The following USP38 variants were observed in gnomAD, a reference collection of about 807,000 sequenced individuals.
USP38 encodes ubiquitin carboxyl-terminal hydrolase 38.
In USP38, 49 loss-of-function variants were observed where a neutral mutation model predicts 94.3. The ratio of observed to expected loss-of-function variants is 0.52; its 90% CI spans 0.41 to 0.66. USP38 has a LOEUF of 0.66. Among genes scored for constraint, USP38 ranks in the 30% least tolerant of loss-of-function variants. The pLI is 0.00. For synonymous variants in USP38, 468 were observed against 463.6 expected (o/e 1.01, Z -0.12); for missense variants, 1,128 against 1,229.4 (o/e 0.92, Z 1.23).
At position 143,185,804 on chromosome 4, in the gene USP38, G is replaced by T. The variant is rs200753261; in HGVS notation, c.354G>T (p.Pro118=). 2.5e-6 allele frequency: 4 copies of T among 1,614,206 alleles called. No homozygotes were observed. Among genetic ancestry groups the T allele is most frequent in the Non-Finnish European group, 3.4e-6 (4 of 1,180,042 alleles). The change falls in exon 1 of 10, where the codon CCG becomes CCT. Residue 118 remains proline (P), a synonymous_variant. Transcript: ENST00000307017. ...HNGLKLIMSC[P]SVLDLFSLLQ... is the part of the protein sequence containing the mutation. ...GCCTGAAGCTGATTATGAGCTGTCCGTCGGTGCTGGATCTCTTTAGCCTCC... is the reference window on the plus strand; with the variant it reads ...GCCTGAAGCTGATTATGAGCTGTCCTTCGGTGCTGGATCTCTTTAGCCTCC...
At chr4:143,195,684 A>G (rs1490810254) in intron 2 of USP38, 32 bp from the exon 3 acceptor site, 3 of 1,563,818 alleles carry the variant, frequency 1.9e-6, no homozygotes, top group African/African-American at 1.4e-5. Flanking sequence ...AATATTTTCA[A>G]TAATGATTGT....
rs1731864488 is a variant in USP38 at position 143,206,221 on chromosome 4, C to T, written c.1398C>T (p.Ala466=). 3.2e-6 allele frequency: 5 copies of T among 1,583,484 alleles called. No individual in the cohort carries two copies. Among genetic ancestry groups the T allele is most frequent in the Non-Finnish European group, 4.3e-6 (5 of 1,167,458 alleles). Residue 466 remains alanine, a synonymous_variant, in exon 6 of 10, where the codon GCC becomes GCT. Coordinates refer to ENST00000307017, the MANE Select transcript of USP38 (RefSeq NM_032557.6). The part of the protein sequence containing the change: ...MNSVIQALFM[A]TDFRRQVLSL... Reference sequence around the variant, plus strand: ...GTGTTATACAAGCCTTGTTTATGGCCACAGAGTAAGTTTAAACTTGAATCT... The same window carrying T: ...GTGTTATACAAGCCTTGTTTATGGCTACAGAGTAAGTTTAAACTTGAATCT...
rs1732376266 is a variant in USP38 at position 143,223,579 on chromosome 4, G to T, written c.*3123G>T. ...TAAAGCTATCATCTTATAATAAGTG[G>T]AATTGGATGCTTATTGTGTGCCCAG... On this transcript the variant is annotated 3_prime_UTR_variant, in exon 10 of 10. Transcript: ENST00000307017. 6.6e-6 allele frequency: 1 copy of T among 151,912 alleles called. No individual in the cohort carries two copies. Among genetic ancestry groups the T allele is most frequent in the Non-Finnish European group, 1.5e-5 (1 of 67,926 alleles). The allele number at this position is 151,912 out of a possible 1,614,324, so 9.4% of individuals were successfully genotyped here.
In USP38 at chr4:143,185,459, G is replaced by C. The variant is rs551990221; in HGVS notation, c.9G>C (p.Lys3Asn). 6.3e-7 allele frequency: 1 copy of C among 1,586,608 alleles called. No individual in the cohort carries two copies. The highest frequency in any genetic ancestry group is 1.7e-5 in the Admixed American group (1 of 58,242). MD[K>N]ILEGLVSSSH... ...CTTGCAGCGTGGCGACAATGGACAA[G>C]ATCCTGGAGGGCCTTGTGAGTTCCT... The change falls in exon 1 of 10, where the codon AAG (lysine) becomes AAC (asparagine). Residue 3 changes from lysine (K) to asparagine (N), a missense_variant. Physicochemically the swap from Lys to Asn is moderately conservative, Grantham distance 94. Transcript: ENST00000307017.
chr4:143,196,089 T>G (rs1372323642), intron 3 of USP38, among the ~76,000 whole-genome samples: 3 of 152,132 alleles, frequency 2.0e-5, no homozygotes, highest in African/African-American at 4.8e-5. Flanking sequence ...GCAGATCACT[T>G]GAGGCCAGGA....
In USP38 at chr4:143,188,112, T is replaced by A. The variant is rs1049377566; in HGVS notation, c.818+151T>A. ...ATTCTCCAAATAGATTGGAATTGTT[T>A]ATAGCGTTGACAGGCATCCCAATAA... On this transcript the variant is annotated intron_variant, in intron 2 of 9. Transcript: ENST00000307017. 4.7e-6 allele frequency: 5 copies of A among 1,072,486 alleles called. No individual in the cohort carries two copies. The East Asian group carries it at 1.3e-4, about 28-fold the overall frequency. 66.4% of individuals were successfully genotyped at this position (1,072,486 alleles called of 1,614,324 possible).
intron 6 of USP38, among the ~76,000 whole-genome samples, chr4:143,207,288 C>G (rs113571235): frequency 1.3e-3 from 197 of 152,302 alleles, no homozygotes; most frequent in African/African-American, 4.3e-3. Flanking sequence ...GCCTGTAATC[C>G]CAGCACTTTG....
chr4:143,201,082 C>CA (rs1167443956), intron 4 of USP38, among the ~76,000 whole-genome samples: 3 of 152,110 alleles, frequency 2.0e-5, no homozygotes, highest in African/African-American at 7.2e-5. Flanking sequence ...CAATCCTAAG[C>CA]AAAAAGAACA....
intron 9 of USP38, among the ~76,000 whole-genome samples, chr4:143,217,640 T>G (rs1732219241): frequency 6.6e-6 from 1 of 152,166 alleles, no homozygotes; most frequent in Non-Finnish European, 1.5e-5. Flanking sequence ...TGTGATAATT[T>G]TAAGAAGCTT....
intron 5 of USP38, chr4:143,204,620 C>A: frequency 3.2e-6 from 1 of 313,126 alleles, no homozygotes; most frequent in Non-Finnish European, 6.2e-6. Flanking sequence ...AATTCCTAGG[C>A]TCAAGTGATC....
At chr4:143,189,678 A>G (rs1346083553) in intron 2 of USP38, among the ~76,000 whole-genome samples, 3 of 151,958 alleles carry the variant, frequency 2.0e-5, no homozygotes, top group Non-Finnish European at 4.4e-5. Flanking sequence ...CCAGTTTCAT[A>G]CTATTCATTC....
At position 143,206,072 on chromosome 4, in the gene USP38, C is replaced by T; in HGVS notation, c.1249C>T (p.Leu417Phe). The part of the protein sequence containing the change: ...KPSEEKIKLI[L>F]NQSAWTSQSN... ...CAGTGAAGAGAAGATTAAGTTAATT[C>T]TCAATCAAAGTGCCTGGACTTCTCA... The change falls in exon 6 of 10, where the codon CTC (leucine) becomes TTC (phenylalanine). Residue 417 changes from leucine (L) to phenylalanine (F), a missense_variant. Physicochemically the swap from Leu to Phe is conservative, Grantham distance 22 (BLOSUM62 0). Coordinates refer to ENST00000307017, the MANE Select transcript of USP38 (RefSeq NM_032557.6). The T allele has an allele frequency of 1.9e-6, 3 of 1,611,512 alleles. No individual in the cohort carries two copies. The highest frequency in any genetic ancestry group is 1.1e-5 in the South Asian group (1 of 90,414).
At chr4:143,187,734 T>G in intron 1 of USP38, 92 bp from the exon 2 acceptor site, 1 of 1,382,328 alleles carries the variant, frequency 7.2e-7, no homozygotes, top group Non-Finnish European at 9.6e-7. Flanking sequence ...ACACCTTTGC[T>G]GCAATGACTT....
At chr4:143,209,937 A>G (rs1731978443) in intron 7 of USP38, among the ~76,000 whole-genome samples, 1 of 152,176 alleles carries the variant, frequency 6.6e-6, no homozygotes, top group Admixed American at 6.5e-5. Context: ...TACAAAGAAA[A>G]TATGATTTCC....
chr4:143,197,762 C>T (rs1287112126), intron 3 of USP38, 61 bp from the exon 4 acceptor site: 1 of 1,141,386 alleles, frequency 8.8e-7, no homozygotes, highest in Non-Finnish European at 1.3e-6. Context: ...GGAAAATAAC[C>T]ACTGTTGGAT....
Position 143,185,878 on chromosome 4 carries a change from T to C in USP38, c.428T>C (p.Leu143Pro). 1 of 1,614,174 alleles carries C rather than the reference T, an allele frequency of 6.2e-7. No individual in the cohort carries two copies. Among genetic ancestry groups the C allele is most frequent in the Non-Finnish European group, 8.5e-7 (1 of 1,180,036 alleles). ...RMVCERPEPQ[L>P]CARLSDLLTD... ...GTGTGTGAGAGGCCGGAGCCGCAGC[T>C]CTGTGCCCGACTGAGCGACCTTCTG... Residue 143 changes from leucine to proline, a missense_variant, in exon 1 of 10, where the codon CTC (leucine) becomes CCC (proline). Leu to Pro is a moderately conservative substitution (Grantham distance 98). Transcript: ENST00000307017.
intron 8 of USP38, among the ~76,000 whole-genome samples, chr4:143,213,322 A>G (rs1305083176): frequency 2.0e-5 from 3 of 152,188 alleles, no homozygotes; most frequent in African/African-American, 7.2e-5. Flanking sequence ...AGGGACGTTT[A>G]TAATTAACTG....
At position 143,185,505 on chromosome 4, in the gene USP38, CG is replaced by C. The variant is rs1241772533; in HGVS notation, c.58del (p.Val20Ter). ...TTCCTCGCATCCCCTGCCCCTCAAGCGGGTGATTGTGCGGAAGGTGGTGGAA... is the reference window on the plus strand; with the variant it reads ...TTCCTCGCATCCCCTGCCCCTCAAGCGGTGATTGTGCGGAAGGTGGTGGAA... ...VSSSHPLPLK[R>X]VIVRKVVESA... On this transcript the variant is annotated frameshift_variant, in exon 1 of 10. Coordinates refer to ENST00000307017, the MANE Select transcript of USP38 (RefSeq NM_032557.6). LOFTEE classifies it high-confidence loss of function. 1 of 1,610,080 alleles carries C rather than the reference CG, an allele frequency of 6.2e-7. No homozygotes were observed. Among genetic ancestry groups the C allele is most frequent in the Non-Finnish European group, 8.5e-7 (1 of 1,177,800 alleles).
At chr4:143,193,404 A>G (rs751284487) in intron 2 of USP38, among the ~76,000 whole-genome samples, 1 of 152,230 alleles carries the variant, frequency 6.6e-6, no homozygotes, top group Non-Finnish European at 1.5e-5. Context: ...TACCATAAAC[A>G]GTGCTACAGT....
Sources: allele counts gnomAD v4.1 joint callset (sites outside exome capture counted in the v4.1 genomes callset), GRCh38; gene constraint gnomAD v4.1.1; transcripts MANE v1.5; gene names NCBI Gene and HGNC (gene_info 2026-07-23, HGNC 2026-07-21).